The following MYO6 variants were observed in gnomAD, a reference collection of about 807,000 sequenced individuals.
MYO6 encodes the protein unconventional myosin-VI.
Under a neutral mutation model 178.7 loss-of-function variants are expected in MYO6, and 74 were observed. The ratio of observed to expected loss-of-function variants is 0.41; its 90% confidence interval spans 0.34 to 0.50. The LOEUF (loss-of-function observed/expected upper bound fraction) is 0.50, where lower values mean the gene tolerates loss of function less well. Ranked by LOEUF, MYO6 falls within the 20% of genes least tolerant of loss-of-function variation. The pLI, the probability that MYO6 is intolerant of heterozygous loss-of-function variation, is 0.09. For synonymous variants in MYO6, 477 were observed against 504.6 expected (o/e 0.95, Z 0.73); for missense variants, 1,330 against 1,547.4 (o/e 0.86, Z 2.36).
intron 10 of MYO6, among the ~76,000 whole-genome samples, chr6:75,846,393 A>G (rs1253895614): frequency 1.3e-5 from 2 of 152,116 alleles, no homozygotes; most frequent in Non-Finnish European, 2.9e-5. Flanking sequence ...TCTTCTTAAA[A>G]TGAATGAGAT....
At chr6:75,764,572 A>G (rs934066689) in intron 1 of MYO6, among the ~76,000 whole-genome samples, 5 of 152,108 alleles carry the variant, frequency 3.3e-5, no homozygotes, top group African/African-American at 9.7e-5. Context: ...GAATTACTGG[A>G]GGGTATAAAC....
chr6:75,909,214 T>G (rs931412689), intron 32 of MYO6, among the ~76,000 whole-genome samples: 3 of 152,200 alleles, frequency 2.0e-5, no homozygotes, highest in African/African-American at 7.2e-5. Flanking sequence ...TAAAATTTAA[T>G]GTAGCTCAGT....
chr6:75,900,802 C>T (rs1237892711), intron 30 of MYO6, among the ~76,000 whole-genome samples: 2 of 151,234 alleles, frequency 1.3e-5, no homozygotes. Flanking sequence ...ACATGAAGTC[C>T]TTGCCCATGC....
chr6:75,890,316 C>A, intron 26 of MYO6, 51 bp downstream of exon 26: 1 of 1,608,736 alleles, frequency 6.2e-7, no homozygotes, highest in South Asian at 1.1e-5. Flanking sequence ...ATAGTGAATT[C>A]TTGGTATTGA....
At chr6:75,897,298 C>T (rs1293717082) in intron 29 of MYO6, among the ~76,000 whole-genome samples, 1 of 152,192 alleles carries the variant, frequency 6.6e-6, no homozygotes, top group Non-Finnish European at 1.5e-5. Context: ...TTCTGAGAAA[C>T]TACTAGCTTG....
chr6:75,902,460 G>A (rs992923292), intron 30 of MYO6, among the ~76,000 whole-genome samples: 1 of 152,188 alleles, frequency 6.6e-6, no homozygotes, highest in African/African-American at 2.4e-5. Flanking sequence ...TTGGGAGAGT[G>A]TATGTGTTGA....
At position 75,879,864 on chromosome 6, in the gene MYO6, C is replaced by T; in HGVS notation, c.2122C>T (p.Arg708Ter). ...LDLMQGGYPS[R>*]ASFHELYNMY... ...CTTGATGCAGGGTGGTTACCCATCA[C>T]GAGCTTCATTTCATGAACTCTACAA... Residue 708 changes from arginine (R) to a stop codon, truncating the protein, a stop_gained, in exon 21 of 35, where the codon CGA (arginine) becomes TGA (stop). Coordinates refer to ENST00000369977, the MANE Select transcript of MYO6 (RefSeq NM_004999.4). LOFTEE classifies it high-confidence loss of function. 5.0e-6 allele frequency: 8 copies of T among 1,614,092 alleles called. No homozygotes were observed. Among genetic ancestry groups the T allele is most frequent in the East Asian group, 2.2e-5 (1 of 44,856 alleles).
At chr6:75,903,662 G>T (rs1435828326) in intron 30 of MYO6, among the ~76,000 whole-genome samples, 3 of 151,776 alleles carry the variant, frequency 2.0e-5, no homozygotes. Context: ...GCACACTGAT[G>T]GGTCTTGACT....
chr6:75,885,647 C>T (rs1190336599), intron 23 of MYO6, among the ~76,000 whole-genome samples: 1 of 152,032 alleles, frequency 6.6e-6, no homozygotes, highest in Non-Finnish European at 1.5e-5. Context: ...GGGGTTTCAC[C>T]GTGTTAGCCA....
intron 16 of MYO6, among the ~76,000 whole-genome samples, chr6:75,865,894 C>G (rs541894220): frequency 3.7e-4 from 57 of 152,196 alleles, no homozygotes; most frequent in Non-Finnish European, 7.5e-4. Flanking sequence ...GTTTCTTTGA[C>G]TGGCTGCACA....
chr6:75,841,189 A>G (rs755724636), intron 8 of MYO6, 25 bp from the exon 9 acceptor site: 2 of 1,605,974 alleles, frequency 1.2e-6, no homozygotes, highest in East Asian at 2.2e-5. Context: ...GCAAAAATAT[A>G]TTTTCTCTGT....
intron 1 of MYO6, among the ~76,000 whole-genome samples, chr6:75,791,319 T>C (rs1768224721): frequency 6.6e-6 from 1 of 152,222 alleles, no homozygotes; most frequent in Non-Finnish European, 1.5e-5. Context: ...GATCTGTTGC[T>C]CAGTTGTTGA....
intron 1 of MYO6, among the ~76,000 whole-genome samples, chr6:75,775,242 TTGCCATGTTGCCACTGGTAA>T (rs1766266293): frequency 6.6e-6 from 1 of 152,194 alleles, no homozygotes; most frequent in South Asian, 2.1e-4. Flanking sequence ...GGATTTGTGG[TTGCCATGTTGCCACTGGTAA>T]GGTTAGAGTC....
intron 16 of MYO6, among the ~76,000 whole-genome samples, chr6:75,865,868 T>C (rs1438367112): frequency 1.3e-5 from 2 of 152,186 alleles, no homozygotes; most frequent in Admixed American, 1.3e-4. Flanking sequence ...GGAGAGTCCC[T>C]TTGCTGATGT....
chr6:75,765,700 A>G (rs1268232254), intron 1 of MYO6, among the ~76,000 whole-genome samples: 10 of 152,036 alleles, frequency 6.6e-5, no homozygotes, highest in African/African-American at 2.2e-4. Flanking sequence ...GTGAACTATG[A>G]TCATGCCACT....
At chr6:75,908,416 G>A (rs1780507872) in intron 31 of MYO6, 80 bp from the exon 32 acceptor site, 1 of 1,386,782 alleles carries the variant, frequency 7.2e-7, no homozygotes, top group Non-Finnish European at 1.0e-6. Flanking sequence ...ATCTCCTTAT[G>A]CGACAGAATA....
intron 5 of MYO6, among the ~76,000 whole-genome samples, chr6:75,830,919 C>T (rs1773011155): frequency 6.6e-6 from 1 of 152,164 alleles, no homozygotes; most frequent in Non-Finnish European, 1.5e-5. Flanking sequence ...AGGTTCTGGC[C>T]TTCATCTCTT....
chr6:75,756,925 ACAC>A (rs1777421539), intron 1 of MYO6, among the ~76,000 whole-genome samples: 1 of 146,544 alleles, frequency 6.8e-6, no homozygotes, highest in Admixed American at 6.8e-5. Context: ...ATATATATAC[ACAC>A]CATATATAGT....
intron 9 of MYO6, among the ~76,000 whole-genome samples, chr6:75,842,028 AAATT>A (rs1420838007): frequency 2.0e-5 from 3 of 152,354 alleles, no homozygotes; most frequent in South Asian, 2.1e-4. Flanking sequence ...TTTGAACACT[AAATT>A]AATATTAATA....
Sources: allele counts gnomAD v4.1 joint callset (sites outside exome capture counted in the v4.1 genomes callset), GRCh38; gene constraint gnomAD v4.1.1; transcripts MANE v1.5; gene names NCBI Gene and HGNC (gene_info 2026-07-23, HGNC 2026-07-21).